Variants in PFKM observed in about 807,000 individuals in gnomAD.
PFKM encodes ATP-dependent 6-phosphofructokinase, muscle type.
In PFKM, 58 loss-of-function variants were observed where a neutral mutation model predicts 95.5. The ratio of observed to expected loss-of-function variants is 0.61; its 90% confidence interval spans 0.49 to 0.76. The LOEUF is 0.76. PFKM is among the 30% of genes least tolerant of loss of function. The pLI, the probability that PFKM is intolerant of heterozygous loss-of-function variation, is 0.00. For missense variants in PFKM, 678 were observed against 1,005.4 expected (o/e 0.67, Z 4.40); for synonymous variants, 336 against 357.2 (o/e 0.94, Z 0.67).
chr12:48,114,453 C>T (rs962170519), upstream of PFKM, among the ~76,000 whole-genome samples: 3 of 151,950 alleles, frequency 2.0e-5, no homozygotes, highest in Admixed American at 6.6e-5. Flanking sequence ...TAAACCGGAC[C>T]GGGTGTGGGG....
rs757500377 is a variant in PFKM at position 48,134,780 on chromosome 12, G to A, written c.698G>A (p.Cys233Tyr). The change falls in exon 8 of 23, where the codon TGT becomes TAT. Residue 233 changes from cysteine to tyrosine, a missense_variant. Cys to Tyr is a radical substitution (Grantham distance 194, BLOSUM62 -2). Transcript: ENST00000359794. The part of the protein sequence containing the change: ...CGADWVFIPE[C>Y]PPDDDWEEHL... The stretch of plus-strand genomic sequence containing the variant: ...GCCGACTGGGTTTTTATTCCTGAAT[G>A]TCCACCAGATGACGACTGGGAGGAA... 2.5e-6 allele frequency: 4 copies of A among 1,614,126 alleles called. No individual in the cohort carries two copies. The South Asian group carries it at 4.4e-5, about 18-fold the overall frequency.
exon 3 of PFKM, chr12:48,108,191 A>C: frequency 1.3e-6 from 2 of 1,597,954 alleles, no homozygotes; most frequent in Non-Finnish European, 8.5e-7. Context: ...TGTTTTCAAA[A>C]CTGGTGAGGC....
Position 48,106,268 on chromosome 12 carries a change from C to T in PFKM, c.-10+131C>T, listed in dbSNP as rs970087601. 32 of 604,350 alleles carry T rather than the reference C, an allele frequency of 5.3e-5. 1 individual carries two copies. Among genetic ancestry groups the T allele is most frequent in the South Asian group, 2.5e-4 (13 of 52,340 alleles). 37.4% of individuals were successfully genotyped at this position (604,350 alleles called of 1,614,324 possible). A position where few individuals can be genotyped will look rare whatever the true frequency, so the allele number is the denominator to read the frequency against. On this transcript the variant is annotated intron_variant, in intron 1 of 24. Transcript: ENST00000340802. ...AAGACTAGTCGTAATTTCTCAGTAC[C>T]CTTTTCAGTCTGGGCTTTTTCGCTT...
intron 10 of PFKM, chr12:48,137,478 A>C (rs1592762033): frequency 3.5e-6 from 2 of 566,406 alleles, no homozygotes; most frequent in Non-Finnish European, 6.3e-6. Flanking sequence ...TGATTACCAT[A>C]GTGGGCATGT....
At chr12:48,136,573 T>TA (rs1950104443) in intron 10 of PFKM, among the ~76,000 whole-genome samples, 1 of 152,066 alleles carries the variant, frequency 6.6e-6, no homozygotes, top group African/African-American at 2.4e-5. Context: ...TTTTGTTTCT[T>TA]AAAAAAATTT....
At chr12:48,132,129 A>G in intron 4 of PFKM, 1 of 454,284 alleles carries the variant, frequency 2.2e-6, no homozygotes, top group South Asian at 1.6e-5. Context: ...AGAATGAGCC[A>G]GAATTCTCCA....
At chr12:48,142,132 C>T (rs1405925761) in intron 17 of PFKM, 66 bp downstream of exon 17, 27 of 1,436,734 alleles carry the variant, frequency 1.9e-5, no homozygotes, top group Non-Finnish European at 2.6e-5. Context: ...TGAGTGTGGT[C>T]CCAAACAGTG....
chr12:48,108,918 A>G (rs1454982168), intron 3 of PFKM, among the ~76,000 whole-genome samples: 1 of 152,236 alleles, frequency 6.6e-6, no homozygotes, highest in Non-Finnish European at 1.5e-5. Context: ...TTATATTTTC[A>G]GAAGGAACTC....
intron 6 of PFKM, 100 bp downstream of exon 6, chr12:48,133,580 C>A: frequency 9.4e-7 from 1 of 1,061,146 alleles, no homozygotes; most frequent in Non-Finnish European, 1.4e-6. Flanking sequence ...GCTATGGTGA[C>A]TATAATGGCC....
chr12:48,126,352 T>C (rs1231804791), intron 2 of PFKM, among the ~76,000 whole-genome samples: 1 of 152,140 alleles, frequency 6.6e-6, no homozygotes, highest in Non-Finnish European at 1.5e-5. Flanking sequence ...GAACTAGGGG[T>C]TTGAGGCATA....
exon 2 of PFKM, chr12:48,107,372 C>T (rs1281280392): frequency 6.3e-7 from 1 of 1,590,248 alleles, no homozygotes; most frequent in Non-Finnish European, 8.5e-7. Flanking sequence ...TAGGAGGCAG[C>T]CATGCATAAA....
intron 3 of PFKM, among the ~76,000 whole-genome samples, chr12:48,113,622 A>G (rs1004112187): frequency 1.3e-5 from 2 of 152,182 alleles, no homozygotes; most frequent in Non-Finnish European, 2.9e-5. Flanking sequence ...GCGGTCCTGG[A>G]GGAACACCTG....
intron 10 of PFKM, among the ~76,000 whole-genome samples, chr12:48,136,580 AT>A (rs1375495266): frequency 1.3e-5 from 2 of 151,088 alleles, no homozygotes; most frequent in Admixed American, 6.6e-5. Flanking sequence ...TCTTAAAAAA[AT>A]TTTTTTTCAA....
rs2136055950 is a variant in PFKM at position 48,145,633 on chromosome 12, G to A, written c.2268G>A (p.Glu756=). ...TCCTCAAAATCCTAGCCAAGTACGA[G>A]ATTGACTTGGACACTTCAGACCATG... is the stretch of plus-strand genomic sequence containing the variant. ...RPILKILAKY[E]IDLDTSDHAH... Residue 756 remains glutamate, a synonymous_variant, in exon 23 of 23, where the codon GAG becomes GAA. Transcript: ENST00000359794. This position sits in a 1 kb window ranked among gnomAD's most constrained non-coding sequence, Gnocchi z 4.3. 1 of 1,614,046 alleles carries A rather than the reference G, an allele frequency of 6.2e-7. No homozygotes were observed. Among genetic ancestry groups the A allele is most frequent in the Non-Finnish European group, 8.5e-7 (1 of 1,179,924 alleles).
chr12:48,107,290 G>A (rs975112555), intron 1 of PFKM: 4 of 898,546 alleles, frequency 4.5e-6, no homozygotes, highest in Non-Finnish European at 7.3e-6. Context: ...CATGAGTGTA[G>A]CTGGTCCATG....
chr12:48,143,460 G>A (rs908393374), intron 18 of PFKM, among the ~76,000 whole-genome samples: 1 of 152,180 alleles, frequency 6.6e-6, no homozygotes, highest in Non-Finnish European at 1.5e-5. Context: ...TGAGGCAAGG[G>A]GAACCAGAAA....
chr12:48,122,751 T>G lies in PFKM; in HGVS notation c.-8-16T>G. ...ATTCCTGCTGTGTCTTAACTGACCATTGTCTTAAATTCTAGAGTGGATCAT... is the reference window on the plus strand; with the variant it reads ...ATTCCTGCTGTGTCTTAACTGACCAGTGTCTTAAATTCTAGAGTGGATCAT... On this transcript the variant is annotated splice_polypyrimidine_tract_variant and intron_variant, in intron 1 of 22. Coordinates refer to ENST00000359794, the MANE Select transcript of PFKM (RefSeq NM_000289.6). 6.2e-7 allele frequency: 1 copy of G among 1,613,782 alleles called. No homozygotes were observed.
intron 10 of PFKM, 54 bp from the exon 11 acceptor site, chr12:48,137,667 A>G: frequency 6.2e-6 from 10 of 1,612,008 alleles, no homozygotes; most frequent in East Asian, 2.2e-5. Context: ...CTCTAGGCTG[A>G]GCCAAGATGG....
At chr12:48,113,908 C>T (rs927458748) in intron 3 of PFKM, among the ~76,000 whole-genome samples, 3 of 152,172 alleles carry the variant, frequency 2.0e-5, no homozygotes, top group South Asian at 2.1e-4. Flanking sequence ...GGTGGTAAAG[C>T]GTCTAAGGGT....
Sources: gnomAD v4.1 joint callset for allele counts (sites outside exome capture counted in the v4.1 genomes callset) on GRCh38, gnomAD v4.1.1 for gene constraint, Gnocchi (gnomAD v3.1) non-coding constraint, MANE v1.5 for transcripts, NCBI Gene and HGNC (gene_info 2026-07-23, HGNC 2026-07-21) for gene names.